The following FBRSL1 variants were observed in gnomAD, a reference collection of about 807,000 sequenced individuals.
The protein encoded by FBRSL1 is fibrosin-1-like protein.
Under a neutral mutation model 89.6 loss-of-function variants are expected in FBRSL1, and 51 were observed. That is an observed-to-expected ratio of 0.57 (90% CI 0.45 to 0.72). The LOEUF (loss-of-function observed/expected upper bound fraction) is 0.72. FBRSL1 is among the 30% of genes least tolerant of loss of function. The pLI, the probability that FBRSL1 is intolerant of heterozygous loss-of-function variation, is 0.00. For synonymous variants in FBRSL1, 779 were observed against 681.1 expected, an observed-to-expected ratio of 1.14 and a Z score of -2.24; for missense variants, 1,618 against 1,451.8, an observed-to-expected ratio of 1.11 and a Z score of -1.86.
At chr12:132,548,871 A>G (rs911718225) in intron 5 of FBRSL1, among the ~76,000 whole-genome samples, 1 of 152,180 alleles carries the variant, frequency 6.6e-6, no homozygotes, top group Non-Finnish European at 1.5e-5. Flanking sequence ...GGCGGACTGC[A>G]TGTGTGCGAC....
At chr12:132,502,044 C>T (rs1023164565) in intron 1 of FBRSL1, among the ~76,000 whole-genome samples, 3 of 152,196 alleles carry the variant, frequency 2.0e-5, no homozygotes, top group Admixed American at 6.5e-5. Context: ...AGTGCATGGA[C>T]GGGACATATG....
chr12:132,492,123 C>T (rs11147221), intron 1 of FBRSL1, among the ~76,000 whole-genome samples: 33,368 of 152,202 alleles, frequency 0.22, 4,412 homozygotes, highest in Non-Finnish European at 0.3. Context: ...CCAGGCCCTG[C>T]GCTCGGCTCC....
intron 1 of FBRSL1, among the ~76,000 whole-genome samples, chr12:132,504,435 T>A (rs752833129): frequency 1.9e-4 from 29 of 152,238 alleles, no homozygotes; most frequent in Middle Eastern, 3.4e-3. Context: ...GCCCTGGTGG[T>A]CCTCCTGGGA....
intron 2 of FBRSL1, chr12:132,510,873 C>G (rs535274606): frequency 1.9e-6 from 2 of 1,026,412 alleles, no homozygotes; most frequent in East Asian, 1.8e-4. Context: ...ACTGTCCTTG[C>G]ATCTCTGAGT....
chr12:132,582,033 A>G (rs2040792818), intron 17 of FBRSL1, 29 bp from the exon 18 acceptor site: 1 of 1,519,904 alleles, frequency 6.6e-7, no homozygotes, highest in Non-Finnish European at 8.9e-7. Flanking sequence ...GACAGACCCA[A>G]CCTCATGCTC....
At chr12:132,575,027 A>T (rs955969991) in intron 14 of FBRSL1, among the ~76,000 whole-genome samples, 1 of 152,020 alleles carries the variant, frequency 6.6e-6, no homozygotes, top group African/African-American at 2.4e-5. Flanking sequence ...AGCTCGGTGC[A>T]GGTCCCACCA....
chr12:132,558,651 C>T (rs2038869258), intron 5 of FBRSL1, among the ~76,000 whole-genome samples: 2 of 152,242 alleles, frequency 1.3e-5, no homozygotes, highest in Admixed American at 1.3e-4. Flanking sequence ...AGGCATCCTG[C>T]GAACGTTGGC....
chr12:132,567,667 G>T (rs2137809121), intron 6 of FBRSL1, 141 bp downstream of exon 6: 2 of 815,154 alleles, frequency 2.5e-6, no homozygotes, highest in East Asian at 5.4e-5. Flanking sequence ...GGACCAGGGT[G>T]CTGGGATTGC....
rs1044954591 is a variant in FBRSL1 at position 132,572,651 on chromosome 12, G to C, written c.1530+29G>C. On this transcript the variant is annotated intron_variant, in intron 11 of 18. Coordinates refer to ENST00000680143, the MANE Select transcript of FBRSL1 (RefSeq NM_001367871.1). ...CCGCTGCCCCTGGCAGGTGGGGCGGGCACAGCGGGTGGGTGGATTTTGGGG... is the reference window on the plus strand; with the variant it reads ...CCGCTGCCCCTGGCAGGTGGGGCGGCCACAGCGGGTGGGTGGATTTTGGGG... The C allele has an allele frequency of 4.5e-5, 67 of 1,490,302 alleles. No homozygotes were observed. The East Asian group carries it at 1.5e-3, about 33-fold the overall frequency. The allele number at this position is 1,490,302 out of a possible 1,614,324, so 92.3% of individuals were successfully genotyped here. A position where few individuals can be genotyped will look rare whatever the true frequency, so the allele number is the denominator to read the frequency against.
At chr12:132,566,611 G>C (rs1041823506) in intron 5 of FBRSL1, among the ~76,000 whole-genome samples, 1 of 152,208 alleles carries the variant, frequency 6.6e-6, no homozygotes, top group Non-Finnish European at 1.5e-5. Context: ...TGGAGGAGTG[G>C]GGCTGAGCAA....
chr12:132,525,772 TGAC>T lies in FBRSL1; in HGVS notation c.535_537del (p.Asp179del). 1 of 1,549,922 alleles carries T rather than the reference TGAC, an allele frequency of 6.5e-7. No homozygotes were observed. On this transcript the variant is annotated inframe_deletion, in exon 3 of 19. Transcript: ENST00000680143. ...TGTCCAAAGGGGGCGACCGGGACAG[TGAC>T]GACGACAGCGTCCTCGAAGCCACCA...
intron 1 of FBRSL1, among the ~76,000 whole-genome samples, chr12:132,496,025 C>T (rs2031963349): frequency 6.6e-6 from 1 of 152,258 alleles, no homozygotes; most frequent in African/African-American, 2.4e-5. Flanking sequence ...CTGCTTGGGC[C>T]TGTCAGTTCT....
chr12:132,570,823 C>T lies in FBRSL1; in HGVS notation c.1214-245C>T, dbSNP rs1268218214. Among the ~76,000 whole-genome samples the T allele has an allele frequency of 2.0e-5, 3 of 152,216 alleles. No homozygotes were observed. In the East Asian group the frequency reaches 5.8e-4, roughly 29 times the overall value. Reference sequence around the variant, plus strand: ...CCTCCCCTCCTGGGGCCAGGCCTCCCCCGCAGCCTGCTGGGTCCTGAGCCC... The same window carrying T: ...CCTCCCCTCCTGGGGCCAGGCCTCCTCCGCAGCCTGCTGGGTCCTGAGCCC... On this transcript the variant is annotated intron_variant, in intron 8 of 18. Transcript: ENST00000680143.
chr12:132,522,626 A>G (rs940488754), intron 2 of FBRSL1, among the ~76,000 whole-genome samples: 3 of 152,190 alleles, frequency 2.0e-5, no homozygotes, highest in African/African-American at 7.2e-5. Flanking sequence ...CAGGCGCTCC[A>G]TGCTGGCCCA....
At chr12:132,500,465 G>T (rs150371919) in intron 1 of FBRSL1, among the ~76,000 whole-genome samples, 1 of 152,242 alleles carries the variant, frequency 6.6e-6, no homozygotes, top group East Asian at 1.9e-4. Flanking sequence ...TCATGGGGCC[G>T]GCCTCTCTGC....
chr12:132,531,716 A>C (rs2036306458), intron 4 of FBRSL1, among the ~76,000 whole-genome samples: 1 of 152,164 alleles, frequency 6.6e-6, no homozygotes, highest in African/African-American at 2.4e-5. Context: ...CGTGTTGTGC[A>C]CGTGTGCACC....
intron 4 of FBRSL1, among the ~76,000 whole-genome samples, chr12:132,537,531 T>A (rs936734381): frequency 6.6e-5 from 10 of 152,094 alleles, no homozygotes; most frequent in African/African-American, 2.4e-4. Flanking sequence ...TTAAAGGTGA[T>A]TTTGTGCATT....
intron 1 of FBRSL1, among the ~76,000 whole-genome samples, chr12:132,506,864 A>G (rs1001934352): frequency 5.9e-5 from 9 of 152,202 alleles, no homozygotes; most frequent in Non-Finnish European, 7.3e-5. Context: ...TCGGGGAGGC[A>G]AGGAGTCTTC....
intron 18 of FBRSL1, among the ~76,000 whole-genome samples, 181 bp from the exon 19 acceptor site, chr12:132,582,790 C>CTT (rs2040868680): frequency 6.6e-6 from 1 of 152,070 alleles, no homozygotes; most frequent in South Asian, 2.1e-4. Flanking sequence ...TTCCAGGCCG[C>CTT]CCAGCGGGGA....
Sources: allele counts gnomAD v4.1 joint callset (sites outside exome capture counted in the v4.1 genomes callset), GRCh38; gene constraint gnomAD v4.1.1; transcripts MANE v1.5; gene names NCBI Gene and HGNC (gene_info 2026-07-23, HGNC 2026-07-21).